The following BRINP2 variants were observed in gnomAD, a reference collection of about 807,000 sequenced individuals.
BRINP2 encodes BMP/retinoic acid-inducible neural-specific protein 2.
In BRINP2, 21 loss-of-function variants were observed where a neutral mutation model predicts 69.2. The ratio of observed to expected loss-of-function variants is 0.30; its 90% CI spans 0.22 to 0.44. The LOEUF (loss-of-function observed/expected upper bound fraction) is 0.44. Among genes scored for constraint, BRINP2 ranks in the 20% least tolerant of loss-of-function variants. The pLI, the probability that BRINP2 is intolerant of heterozygous loss-of-function variation, is 1.00. For missense variants in BRINP2, 877 were observed against 986.0 expected, an observed-to-expected ratio of 0.89 and a Z score of 1.48; for synonymous variants, 380 against 394.1, an observed-to-expected ratio of 0.96 and a Z score of 0.42.
At chr1:177,195,346 A>T (rs753927465) in intron 1 of BRINP2, among the ~76,000 whole-genome samples, 2 of 151,868 alleles carry the variant, frequency 1.3e-5, no homozygotes, top group Non-Finnish European at 2.9e-5. Flanking sequence ...CTCCTTTTGG[A>T]TGTTTCAGTT....
chr1:177,252,678 C>T (rs577409854), intron 2 of BRINP2, among the ~76,000 whole-genome samples: 62 of 152,176 alleles, frequency 4.1e-4, no homozygotes, highest in African/African-American at 1.4e-3. Context: ...CTTATTCTTC[C>T]TAACTATAAC....
intron 4 of BRINP2, among the ~76,000 whole-genome samples, chr1:177,269,455 G>A (rs1651236619): frequency 6.6e-6 from 1 of 152,196 alleles, no homozygotes; most frequent in African/African-American, 2.4e-5. Flanking sequence ...GGACTTGGTG[G>A]GGAGGGCTTG....
intron 3 of BRINP2, 31 bp from the exon 4 acceptor site, chr1:177,257,145 G>A (rs200786435): frequency 2.7e-5 from 43 of 1,610,692 alleles, no homozygotes; most frequent in African/African-American, 1.7e-4. Context: ...AGCAGAGAGC[G>A]TCACCAATAC....
chr1:177,176,512 CATT>C (rs3041971), intron 1 of BRINP2, among the ~76,000 whole-genome samples: 38,501 of 142,940 alleles, frequency 0.27, 6,117 homozygotes, highest in Non-Finnish European at 0.37. Flanking sequence ...AAGTGGCTGG[CATT>C]ATTATTATTA....
chr1:177,255,880 C>T lies in BRINP2; in HGVS notation c.270-39C>T, dbSNP rs199835029. The T allele has an allele frequency of 1.2e-4, 190 of 1,594,464 alleles. No homozygotes were observed. In the Middle Eastern group the frequency reaches 2.7e-3, roughly 23 times the overall value. On this transcript the variant is annotated intron_variant, in intron 2 of 7. Transcript: ENST00000361539. ...AGATTTTATGCCTCTTGCTCTGAAA[C>T]GAGGTCAGCTTTTCCTTATCCCTTG...
At chr1:177,241,240 G>C (rs1325334706) in intron 2 of BRINP2, among the ~76,000 whole-genome samples, 2 of 152,150 alleles carry the variant, frequency 1.3e-5, no homozygotes, top group African/African-American at 4.8e-5. Flanking sequence ...CAAAATGCTG[G>C]GATTACAGGC....
At chr1:177,219,096 C>T (rs1649453559) in intron 1 of BRINP2, among the ~76,000 whole-genome samples, 1 of 152,248 alleles carries the variant, frequency 6.6e-6, no homozygotes, top group Non-Finnish European at 1.5e-5. Flanking sequence ...TGCTCCCCAT[C>T]AGTAGTCCCT....
intron 4 of BRINP2, among the ~76,000 whole-genome samples, chr1:177,262,194 T>G (rs1371933899): frequency 6.6e-6 from 1 of 152,144 alleles, no homozygotes; most frequent in African/African-American, 2.4e-5. Context: ...ATGGGAGCTG[T>G]TCCAGCATAT....
At chr1:177,272,845 G>A (rs1451810161) in intron 4 of BRINP2, among the ~76,000 whole-genome samples, 1 of 152,156 alleles carries the variant, frequency 6.6e-6, no homozygotes, top group Non-Finnish European at 1.5e-5. Flanking sequence ...AAACATCAGG[G>A]AAAACTGATG....
chr1:177,241,278 G>C (rs1475748613), intron 2 of BRINP2, among the ~76,000 whole-genome samples: 1 of 152,132 alleles, frequency 6.6e-6, no homozygotes, highest in Admixed American at 6.5e-5. Context: ...GACCACTGAA[G>C]CCAATTTTTA....
At chr1:177,240,962 C>A (rs1023356306) in intron 2 of BRINP2, among the ~76,000 whole-genome samples, 30 of 152,162 alleles carry the variant, frequency 2.0e-4, no homozygotes, top group African/African-American at 6.7e-4. Context: ...ATGAGGTGCT[C>A]ACTGGAGCCA....
Position 177,278,710 on chromosome 1 carries a change from A to G in BRINP2, c.1160A>G (p.His387Arg). The change falls in exon 7 of 8, where the codon CAT becomes CGT. Residue 387 changes from histidine (H) to arginine (R), a missense_variant. Coordinates refer to ENST00000361539, the MANE Select transcript of BRINP2 (RefSeq NM_021165.4). ...AGLKVLFKKTHRILRRLFNLC... is the reference protein window; with the variant it reads ...AGLKVLFKKTRRILRRLFNLC... ...TTGAAAGTGCTGTTCAAAAAGACCC[A>G]TCGGATCCTACGCCGGCTCTTCAAC... The G allele has an allele frequency of 6.2e-7, 1 of 1,614,194 alleles. No homozygotes were observed. The highest frequency in any genetic ancestry group is 8.5e-7 in the Non-Finnish European group (1 of 1,180,040).
At chr1:177,231,228 G>A (rs1468845498) in intron 2 of BRINP2, among the ~76,000 whole-genome samples, 1 of 152,134 alleles carries the variant, frequency 6.6e-6, no homozygotes, top group Admixed American at 6.5e-5. Flanking sequence ...TTTACAGATG[G>A]GGAAATTGAG....
At chr1:177,243,974 G>A (rs181332212) in intron 2 of BRINP2, among the ~76,000 whole-genome samples, 1 of 152,036 alleles carries the variant, frequency 6.6e-6, no homozygotes, top group Non-Finnish European at 1.5e-5. Context: ...AGGAAGCTGT[G>A]GGGGTGGGGG....
intron 2 of BRINP2, among the ~76,000 whole-genome samples, chr1:177,252,488 T>C (rs1650614009): frequency 6.6e-6 from 1 of 152,196 alleles, no homozygotes; most frequent in Non-Finnish European, 1.5e-5. Flanking sequence ...ATTGGTGTGA[T>C]GTTTCAATAC....
intron 1 of BRINP2, among the ~76,000 whole-genome samples, chr1:177,208,110 G>T (rs1177750073): frequency 6.6e-6 from 1 of 152,148 alleles, no homozygotes; most frequent in Admixed American, 6.5e-5. Flanking sequence ...TCCATAAAAA[G>T]AATCTAACAG....
At chr1:177,186,469 A>G (rs1216413366) in intron 1 of BRINP2, among the ~76,000 whole-genome samples, 1 of 152,108 alleles carries the variant, frequency 6.6e-6, no homozygotes, top group Non-Finnish European at 1.5e-5. Flanking sequence ...ATATATATAC[A>G]TATGGTTTAT....
intron 1 of BRINP2, among the ~76,000 whole-genome samples, chr1:177,188,358 T>C (rs1648492282): frequency 1.3e-5 from 2 of 152,186 alleles, no homozygotes; most frequent in African/African-American, 4.8e-5. Context: ...GCCTATGTTT[T>C]AGTTGTGGAA....
chr1:177,258,080 C>T (rs1650827566), intron 4 of BRINP2, among the ~76,000 whole-genome samples: 1 of 152,172 alleles, frequency 6.6e-6, no homozygotes, highest in Non-Finnish European at 1.5e-5. Flanking sequence ...AAAGATTTAA[C>T]AGGGGAGTAA....
Sources: gnomAD v4.1 joint callset for allele counts (sites outside exome capture counted in the v4.1 genomes callset) on GRCh38, gnomAD v4.1.1 for gene constraint, MANE v1.5 for transcripts, NCBI Gene and HGNC (gene_info 2026-07-23, HGNC 2026-07-21) for gene names.